ZCCHC10: variants seen among roughly 807,000 people sequenced by gnomAD.
ZCCHC10 encodes zinc finger CCHC domain-containing protein 10.
ZCCHC10 carries 16 observed loss-of-function variants against 19.5 expected under a neutral mutation model. That is an observed-to-expected ratio of 0.82 (90% confidence interval 0.56 to 1.25). The LOEUF is 1.25. ZCCHC10 is among the 50% of genes most tolerant of loss of function. The pLI, the probability that ZCCHC10 is intolerant of heterozygous loss-of-function variation, is 0.00. For synonymous variants in ZCCHC10, 67 were observed against 72.5 expected, an observed-to-expected ratio of 0.92 and a Z score of 0.38; for missense variants, 197 against 201.0, an observed-to-expected ratio of 0.98 and a Z score of 0.12.
intron 1 of ZCCHC10, among the ~76,000 whole-genome samples, chr5:133,023,495 C>A (rs1764466119): frequency 6.8e-6 from 1 of 147,736 alleles, no homozygotes; most frequent in Non-Finnish European, 1.5e-5. Flanking sequence ...AACGATAAAG[C>A]CAGGTGCGGT....
At chr5:133,016,981 T>A (rs758758852) in intron 2 of ZCCHC10, among the ~76,000 whole-genome samples, 2 of 150,952 alleles carry the variant, frequency 1.3e-5, no homozygotes, top group Admixed American at 6.6e-5. Context: ...TCTGGTACCC[T>A]ATACCAAATT....
chr5:133,009,613 C>CAAA (rs59555378), intron 2 of ZCCHC10, among the ~76,000 whole-genome samples: 45 of 55,504 alleles, frequency 8.1e-4, no homozygotes, highest in African/African-American at 2.7e-3. Flanking sequence ...GACTCCGTCT[C>CAAA]AAAAAAAAAA....
chr5:133,026,485 A>T lies in ZCCHC10; in HGVS notation c.41+12T>A, dbSNP rs1479592247. The stretch of plus-strand genomic sequence containing the variant: ...CAGCCCTCCAGTGGACCCGAACCGG[A>T]TCCTTACTTACGCTTGTCTCCGGGC... On this transcript the variant is annotated intron_variant, in intron 1 of 4. Coordinates refer to ENST00000509437, the MANE Select transcript of ZCCHC10 (RefSeq NM_001300816.3). 6.2e-7 allele frequency: 1 copy of T among 1,613,292 alleles called. No individual in the cohort carries two copies. The highest frequency in any genetic ancestry group is 8.5e-7 in the Non-Finnish European group (1 of 1,179,834).
In ZCCHC10 at chr5:133,007,017, C is replaced by T. The variant is rs113845465; in HGVS notation, c.108-97G>A. ...AATATAAAGGATAAAATTATGTTTA[C>T]TCTTATGGTCCAATTCATAAAAATC... On this transcript the variant is annotated intron_variant, in intron 2 of 4. Transcript: ENST00000509437. The T allele has an allele frequency of 3.5e-3, 4,043 of 1,163,412 alleles. 95 individuals carry two copies. The African/African-American group carries it at 0.055, about 16-fold the overall frequency. The allele number at this position is 1,163,412 out of a possible 1,614,324, so 72.1% of individuals were successfully genotyped here. A position where few individuals can be genotyped will look rare whatever the true frequency, so the allele number is the denominator to read the frequency against.
chr5:133,021,943 G>A (rs999372189), intron 2 of ZCCHC10, among the ~76,000 whole-genome samples: 7 of 151,736 alleles, frequency 4.6e-5, no homozygotes, highest in South Asian at 2.1e-4. Context: ...ACAGGTGCCC[G>A]CCACGACACC....
chr5:133,008,934 G>A (rs976771242), intron 2 of ZCCHC10, among the ~76,000 whole-genome samples: 2 of 152,100 alleles, frequency 1.3e-5, no homozygotes, highest in Non-Finnish European at 2.9e-5. Flanking sequence ...GTGCAATTGA[G>A]CCCAGGAGTT....
rs1762661359 is a variant in ZCCHC10 at position 133,000,043 on chromosome 5, T to C, written c.311+89A>G. ...GATTATAGGCATGAGCCACTGCATC[T>C]GGCATAGCTATTGTTTTAAAATCAC... On this transcript the variant is annotated intron_variant, in intron 4 of 4. Coordinates refer to ENST00000509437, the MANE Select transcript of ZCCHC10 (RefSeq NM_001300816.3). 2.1e-6 allele frequency: 3 copies of C among 1,445,440 alleles called. No homozygotes were observed. In the African/African-American group the frequency reaches 4.2e-5, roughly 20 times the overall value. 89.5% of individuals were successfully genotyped at this position (1,445,440 alleles called of 1,614,324 possible).
chr5:133,019,585 GAC>G (rs1258695594), intron 2 of ZCCHC10, among the ~76,000 whole-genome samples: 2 of 152,048 alleles, frequency 1.3e-5, no homozygotes, highest in Non-Finnish European at 2.9e-5. Flanking sequence ...TCTGTAAATG[GAC>G]ACCGCTGGTA....
At position 133,005,196 on chromosome 5, in the gene ZCCHC10, G is replaced by C. The variant is rs191140149; in HGVS notation, c.269+1563C>G. Among the ~76,000 whole-genome samples the C allele has an allele frequency of 4.6e-5, 7 of 152,180 alleles. 1 individual carries two copies. The highest frequency in any genetic ancestry group is 4.6e-4 in the Admixed American group (7 of 15,260). ...CACCTATACTCCCAGCTACTCCGGA[G>C]GCTGAGGCACAATCACATGAACCTG... On this transcript the variant is annotated intron_variant, in intron 3 of 4. Coordinates refer to ENST00000509437, the MANE Select transcript of ZCCHC10 (RefSeq NM_001300816.3).
chr5:133,015,783 T>A (rs1026898904), intron 2 of ZCCHC10, among the ~76,000 whole-genome samples: 1 of 152,144 alleles, frequency 6.6e-6, no homozygotes, highest in Non-Finnish European at 1.5e-5. Flanking sequence ...CCAGGGAAAC[T>A]GTGAATTGAT....
chr5:133,008,743 G>A (rs1763300257), intron 2 of ZCCHC10, among the ~76,000 whole-genome samples: 1 of 151,930 alleles, frequency 6.6e-6, no homozygotes, highest in Non-Finnish European at 1.5e-5. Context: ...CAGGCCTGGT[G>A]GTTCACGCTT....
chr5:132,999,987 A>G (rs1321676460), intron 4 of ZCCHC10, 145 bp downstream of exon 4: 1 of 759,852 alleles, frequency 1.3e-6, no homozygotes, highest in East Asian at 2.8e-5. Flanking sequence ...ACCTCAGGTG[A>G]TCCACCCACC....
chr5:133,003,098 T>A (rs1762877208), intron 3 of ZCCHC10: 1 of 284,244 alleles, frequency 3.5e-6, no homozygotes, highest in Non-Finnish European at 7.0e-6. Flanking sequence ...CCTTTCCAGT[T>A]GGAGGCTTCT....
At chr5:133,006,961 C>T in intron 2 of ZCCHC10, 41 bp from the exon 3 acceptor site, 1 of 1,527,912 alleles carries the variant, frequency 6.5e-7, no homozygotes, top group Non-Finnish European at 8.8e-7. Context: ...AAAATTCTGT[C>T]TTGTGACTTT....
intron 3 of ZCCHC10, among the ~76,000 whole-genome samples, chr5:133,003,953 A>T (rs1283594746): frequency 6.7e-6 from 1 of 149,520 alleles, no homozygotes; most frequent in Non-Finnish European, 1.5e-5. Context: ...CGAGTGATCC[A>T]CCCACCTCGG....
chr5:132,999,941 T>A (rs1230836497), intron 4 of ZCCHC10, among the ~76,000 whole-genome samples, 191 bp downstream of exon 4: 1 of 152,138 alleles, frequency 6.6e-6, no homozygotes, highest in Non-Finnish European at 1.5e-5. Context: ...AGAGACACGG[T>A]TTCACCATGT....
At chr5:133,017,644 G>T (rs1416196020) in intron 2 of ZCCHC10, among the ~76,000 whole-genome samples, 1 of 152,090 alleles carries the variant, frequency 6.6e-6, no homozygotes, top group East Asian at 1.9e-4. Context: ...TGCTGGGATT[G>T]TAGGCATGAG....
intron 1 of ZCCHC10, among the ~76,000 whole-genome samples, chr5:133,026,161 G>T (rs555910589): frequency 1.6e-4 from 24 of 152,314 alleles, no homozygotes; most frequent in African/African-American, 5.3e-4. Flanking sequence ...GTCGGACCGG[G>T]GCTTCAGGGC....
chr5:133,018,994 G>A (rs969769891), intron 2 of ZCCHC10: 2 of 417,788 alleles, frequency 4.8e-6, no homozygotes, highest in African/African-American at 4.2e-5. Context: ...TTGAGAAACT[G>A]GTAGCTTGGG....
Sources: gnomAD v4.1 joint callset for allele counts (sites outside exome capture counted in the v4.1 genomes callset) on GRCh38, gnomAD v4.1.1 for gene constraint, MANE v1.5 for transcripts, NCBI Gene and HGNC (gene_info 2026-07-23, HGNC 2026-07-21) for gene names.